The following ERC2 variants were observed in gnomAD, a reference collection of about 807,000 sequenced individuals.
The protein encoded by ERC2 is ERC protein 2.
A neutral mutation model predicts 114.8 loss-of-function variants in ERC2; 42 were observed. That is an observed-to-expected ratio of 0.37 (90% CI 0.29 to 0.47). ERC2 has a LOEUF of 0.47. ERC2 is among the 20% of genes least tolerant of loss of function. ERC2 has a pLI of 0.99. For synonymous variants in ERC2, 454 were observed against 425.5 expected, an observed-to-expected ratio of 1.07 and a Z score of -0.82; for missense variants, 939 against 1,150.7, an observed-to-expected ratio of 0.82 and a Z score of 2.66.
At chr3:56,386,200 C>G (rs1017707010) in intron 2 of ERC2, among the ~76,000 whole-genome samples, 2 of 152,116 alleles carry the variant, frequency 1.3e-5, no homozygotes, top group Non-Finnish European at 2.9e-5. Context: ...CCACAGATCA[C>G]TTGGTAGGAC....
chr3:55,695,378 G>T (rs2062872880), intron 16 of ERC2, among the ~76,000 whole-genome samples: 1 of 152,106 alleles, frequency 6.6e-6, no homozygotes, highest in Admixed American at 6.5e-5. Context: ...ATATTCAATG[G>T]CTGTGACCAT....
chr3:55,695,735 T>C (rs1289633549), intron 16 of ERC2, among the ~76,000 whole-genome samples: 1 of 152,194 alleles, frequency 6.6e-6, no homozygotes, highest in Non-Finnish European at 1.5e-5. Context: ...TAAAAAATAC[T>C]GCTGGAAACT....
intron 15 of ERC2, 89 bp downstream of exon 15, chr3:55,734,682 C>T: frequency 6.7e-7 from 1 of 1,494,584 alleles, no homozygotes; most frequent in Middle Eastern, 2.0e-4. Context: ...ACAGGATGGA[C>T]ATGGGAAAAT....
chr3:55,859,591 G>A (rs886713365), intron 14 of ERC2, among the ~76,000 whole-genome samples: 1 of 151,972 alleles, frequency 6.6e-6, no homozygotes, highest in Non-Finnish European at 1.5e-5. Flanking sequence ...TGTTTTTTTA[G>A]CATGTGGTAA....
intron 7 of ERC2, among the ~76,000 whole-genome samples, chr3:56,045,482 A>G (rs1174412063): frequency 6.6e-6 from 1 of 152,180 alleles, no homozygotes; most frequent in Non-Finnish European, 1.5e-5. Context: ...AAGCACCTCA[A>G]AGATGGATCC....
At chr3:56,171,707 A>G (rs1054441279) in intron 4 of ERC2, among the ~76,000 whole-genome samples, 8 of 152,034 alleles carry the variant, frequency 5.3e-5, no homozygotes, top group African/African-American at 1.7e-4. Flanking sequence ...AACTAGGATC[A>G]AACAGATTTT....
intron 17 of ERC2, among the ~76,000 whole-genome samples, chr3:55,519,653 C>T (rs2052767224): frequency 6.6e-6 from 1 of 152,278 alleles, no homozygotes; most frequent in African/African-American, 2.4e-5. Flanking sequence ...CTTCTGCCAT[C>T]TGGGTTTGAT....
In ERC2 at chr3:56,170,470, T is replaced by C. The variant is rs551102949; in HGVS notation, c.1149+2976A>G. On this transcript the variant is annotated intron_variant, in intron 4 of 17. Coordinates refer to ENST00000288221, the MANE Select transcript of ERC2 (RefSeq NM_015576.3). Reference sequence around the variant, plus strand: ...ACAACAAATGTCTTTTGCGAGTTTATGCAAAGTGTGTATATGGGGACAATG... The same window carrying C: ...ACAACAAATGTCTTTTGCGAGTTTACGCAAAGTGTGTATATGGGGACAATG... Among the ~76,000 whole-genome samples, 304 of 152,244 alleles carry C rather than the reference T, an allele frequency of 2.0e-3. 1 individual carries two copies. The highest frequency in any genetic ancestry group is 3.2e-3 in the Non-Finnish European group (221 of 68,032).
At chr3:55,655,066 C>A (rs776511708) in intron 17 of ERC2, among the ~76,000 whole-genome samples, 1 of 151,954 alleles carries the variant, frequency 6.6e-6, no homozygotes, top group African/African-American at 2.4e-5. Flanking sequence ...GAGCAGCCCT[C>A]GGCCGATGAC....
chr3:55,567,032 A>G (rs1011147213), intron 17 of ERC2, among the ~76,000 whole-genome samples: 6 of 152,206 alleles, frequency 3.9e-5, no homozygotes, highest in Non-Finnish European at 7.3e-5. Context: ...ATATATATAT[A>G]TATCAGACCA....
rs1046626075 is a variant in ERC2, at chr3:55,625,386, A to G, written c.*39+58408T>C. Among the ~76,000 whole-genome samples, 25 of 151,712 alleles carry G rather than the reference A, an allele frequency of 1.6e-4. 1 individual carries two copies. The highest frequency in any genetic ancestry group is 1.2e-3 in the Admixed American group (19 of 15,252). On this transcript the variant is annotated intron_variant, in intron 17 of 17. Transcript: ENST00000288221. The stretch of plus-strand genomic sequence containing the variant: ...CGACTCAAAAAAAGAAAAAAAAAAA[A>G]AAAAGAAAAGAGAAAGAAATAGCTA...
chr3:56,069,827 T>C (rs1305901247), intron 7 of ERC2, among the ~76,000 whole-genome samples: 2 of 152,206 alleles, frequency 1.3e-5, no homozygotes, highest in Non-Finnish European at 2.9e-5. Flanking sequence ...ATATAGTTTG[T>C]GCCATTAATT....
At chr3:55,598,375 G>A (rs139723033) in intron 17 of ERC2, among the ~76,000 whole-genome samples, 1 of 152,332 alleles carries the variant, frequency 6.6e-6, no homozygotes, top group East Asian at 1.9e-4. Context: ...TGGACAAGTT[G>A]CTTAATGGCT....
intron 14 of ERC2, among the ~76,000 whole-genome samples, chr3:55,789,291 G>A (rs771571590): frequency 3.9e-5 from 6 of 152,200 alleles, no homozygotes; most frequent in Admixed American, 1.3e-4. Flanking sequence ...CATGGATGCC[G>A]TGTTTTTTCC....
chr3:55,828,473 AGG>A (rs2060426940), intron 14 of ERC2, among the ~76,000 whole-genome samples: 4 of 151,044 alleles, frequency 2.6e-5, no homozygotes, highest in African/African-American at 9.8e-5. Flanking sequence ...CAGGGGCAGC[AGG>A]GGCAGCAGGG....
chr3:55,759,782 C>T (rs920356075), intron 14 of ERC2, among the ~76,000 whole-genome samples: 11 of 152,150 alleles, frequency 7.2e-5, no homozygotes, highest in African/African-American at 2.7e-4. Flanking sequence ...ATGACTGACA[C>T]TTTCAAGTTT....
chr3:55,695,161 G>A (rs2062862573), intron 16 of ERC2, among the ~76,000 whole-genome samples: 1 of 152,160 alleles, frequency 6.6e-6, no homozygotes, highest in Admixed American at 6.5e-5. Context: ...TTTCTACTTG[G>A]CTTTGTGAAA....
chr3:56,238,620 A>G (rs2051122170), intron 3 of ERC2, among the ~76,000 whole-genome samples: 1 of 152,220 alleles, frequency 6.6e-6, no homozygotes, highest in Non-Finnish European at 1.5e-5. Context: ...TGCAGGGCCC[A>G]GGAGAGAAGG....
Position 55,888,432 on chromosome 3 carries a change from G to T in ERC2, c.2521C>A (p.Arg841=). The part of the protein sequence containing the change: ...AEKEAHLANL[R]IERRKQLEEI... ...TCCAGCTGTTTCCTCCTCTCAATCCGGAGGTTGGCCAAGTGCGCTTCTTTT... is the reference window on the plus strand; with the variant it reads ...TCCAGCTGTTTCCTCCTCTCAATCCTGAGGTTGGCCAAGTGCGCTTCTTTT... The change falls in exon 14 of 18, where the codon CGG becomes AGG. Residue 841 remains arginine, a synonymous_variant. Coordinates refer to ENST00000288221, the MANE Select transcript of ERC2 (RefSeq NM_015576.3). 2 of 1,613,810 alleles carry T rather than the reference G, an allele frequency of 1.2e-6. No individual in the cohort carries two copies. Among genetic ancestry groups the T allele is most frequent in the African/African-American group, 1.3e-5 (1 of 74,990 alleles).
Sources: gnomAD v4.1 joint callset for allele counts (sites outside exome capture counted in the v4.1 genomes callset) on GRCh38, gnomAD v4.1.1 for gene constraint, MANE v1.5 for transcripts, NCBI Gene and HGNC (gene_info 2026-07-23, HGNC 2026-07-21) for gene names.